Variants in DNASE1 observed in about 807,000 individuals in gnomAD.
DNASE1 encodes deoxyribonuclease 1.
DNASE1 carries 40 observed loss-of-function variants against 33.9 expected under a neutral mutation model. That is an observed-to-expected ratio of 1.18 (90% confidence interval 0.92 to 1.54). The LOEUF is 1.54. DNASE1 is among the 40% of genes most tolerant of loss of function. DNASE1 has a pLI of 0.00. For synonymous variants in DNASE1, 216 were observed against 160.0 expected (o/e 1.35, Z -2.64); for missense variants, 518 against 372.6 (o/e 1.39, Z -3.21).
chr16:3,642,098 G>A (rs147972142), upstream of DNASE1, among the ~76,000 whole-genome samples: 298 of 152,314 alleles, frequency 2.0e-3, 4 homozygotes, highest in African/African-American at 7.0e-3. Context: ...TTCCTGCTGG[G>A]CTCGGGGTGG....
At chr16:3,631,188 A>G (rs930074186) in intron 1 of DNASE1, among the ~76,000 whole-genome samples, 10 of 151,598 alleles carry the variant, frequency 6.6e-5, no homozygotes, top group Non-Finnish European at 1.3e-4. Flanking sequence ...ACACCCAGCT[A>G]ATTTTTTGGG....
Position 3,658,044 on chromosome 16 carries a change from A to G in DNASE1, c.*91A>G. 1 of 1,608,098 alleles carries G rather than the reference A, an allele frequency of 6.2e-7. No individual in the cohort carries two copies. Among genetic ancestry groups the G allele is most frequent in the Non-Finnish European group, 8.5e-7 (1 of 1,176,420 alleles). ...AAAAAGCCCAACACACACTCGGGTT[A>G]AGAAATACCTTTAAATTTAGGTAAA... On this transcript the variant is annotated 3_prime_UTR_variant, in exon 9 of 9. Coordinates refer to ENST00000246949, the MANE Select transcript of DNASE1 (RefSeq NM_005223.4).
At chr16:3,655,974 C>G (rs1368652722) in intron 3 of DNASE1, 37 bp downstream of exon 3, 1 of 1,613,178 alleles carries the variant, frequency 6.2e-7, no homozygotes, top group Admixed American at 1.7e-5. Context: ...AAGGTGACAT[C>G]TCGTCCACGG....
At chr16:3,649,966 C>A (rs1190399286), upstream of DNASE1, among the ~76,000 whole-genome samples, 4 of 151,906 alleles carry the variant, frequency 2.6e-5, no homozygotes, top group Non-Finnish European at 4.4e-5. Context: ...TATGTGGGAG[C>A]TAAGGTGGTC....
chr16:3,655,246 C>A, intron 1 of DNASE1, 127 bp from the exon 2 acceptor site: 1 of 1,323,512 alleles, frequency 7.6e-7, no homozygotes, highest in Non-Finnish European at 1.0e-6. Context: ...GAAAGGGTTT[C>A]CCCCGCCTGC....
chr16:3,633,268 T>A (rs1237149841), intron 1 of DNASE1, among the ~76,000 whole-genome samples: 1 of 152,204 alleles, frequency 6.6e-6, no homozygotes, highest in African/African-American at 2.4e-5. Context: ...ATGATTACAT[T>A]TTTTCCTCTC....
At chr16:3,633,152 C>G (rs376011770) in intron 1 of DNASE1, among the ~76,000 whole-genome samples, 2 of 152,164 alleles carry the variant, frequency 1.3e-5, no homozygotes, top group South Asian at 4.1e-4. Context: ...AGATTAATAT[C>G]TGCCATATTT....
At chr16:3,662,870 G>C (rs776827486), downstream of DNASE1, 4 of 1,613,330 alleles carry the variant, frequency 2.5e-6, no homozygotes, top group East Asian at 8.9e-5. Flanking sequence ...TCCATCCCCG[G>C]GAAAGCCTCA....
chr16:3,658,860 G>A (rs147353660), downstream of DNASE1: 1,653 of 1,614,008 alleles, frequency 1.0e-3, 6 homozygotes, highest in Middle Eastern at 1.8e-3. Context: ...CTTGATGAGC[G>A]CGTGCCTGCA....
chr16:3,646,049 A>T (rs1399890453), intron 1 of DNASE1, among the ~76,000 whole-genome samples: 1 of 151,960 alleles, frequency 6.6e-6, no homozygotes, highest in Non-Finnish European at 1.5e-5. Context: ...CCCCGAGTAG[A>T]GCCAGCCGAG....
At chr16:3,624,332 A>C (rs545418640) in intron 1 of DNASE1, among the ~76,000 whole-genome samples, 35 of 150,894 alleles carry the variant, frequency 2.3e-4, no homozygotes, top group African/African-American at 8.3e-4. Flanking sequence ...CTCTACTTTG[A>C]GATTATAAAG....
At chr16:3,649,786 G>C (rs1365939567), upstream of DNASE1, among the ~76,000 whole-genome samples, 1 of 152,148 alleles carries the variant, frequency 6.6e-6, no homozygotes. Context: ...TCTGAGTCAA[G>C]TGTTGTGGGA....
chr16:3,657,784 T>G lies in DNASE1; in HGVS notation c.769T>G (p.Phe257Val). 6.2e-7 allele frequency: 1 copy of G among 1,614,070 alleles called. No individual in the cohort carries two copies. Among genetic ancestry groups the G allele is most frequent in the South Asian group, 1.1e-5 (1 of 91,080 alleles). The change falls in exon 8 of 9, where the codon TTC becomes GTC. Residue 257 changes from phenylalanine to valine, a missense_variant. Transcript: ENST00000246949. ...TCCCGACTCGGCTCTTCCCTTTAAC[T>G]TCCAGGCTGCCTATGGCCTGAGTGA... The part of the protein sequence containing the change: ...VVPDSALPFN[F>V]QAAYGLSDQL...
downstream of DNASE1, chr16:3,658,862 G>A (rs137975630): frequency 1.2e-4 from 195 of 1,614,024 alleles, no homozygotes; most frequent in African/African-American, 1.9e-3. Context: ...TGATGAGCGC[G>A]TGCCTGCAAC....
At chr16:3,646,773 A>G (rs2042183363) in intron 1 of DNASE1, among the ~76,000 whole-genome samples, 1 of 152,066 alleles carries the variant, frequency 6.6e-6, no homozygotes. Context: ...AGCCAAAGGG[A>G]GAGGCAGTGA....
At chr16:3,634,100 G>C (rs562446429) in intron 1 of DNASE1, among the ~76,000 whole-genome samples, 1 of 151,744 alleles carries the variant, frequency 6.6e-6, no homozygotes, top group Non-Finnish European at 1.5e-5. Context: ...GTGAACCACC[G>C]CACCTGGCCA....
downstream of DNASE1, chr16:3,662,925 G>T: frequency 1.2e-6 from 2 of 1,613,036 alleles, no homozygotes; most frequent in Non-Finnish European, 1.7e-6. Context: ...TCTCATCCAG[G>T]CCATGAGCTC....
At chr16:3,615,508 C>T (rs1250616177) in intron 1 of DNASE1, among the ~76,000 whole-genome samples, 1 of 152,126 alleles carries the variant, frequency 6.6e-6, no homozygotes, top group Non-Finnish European at 1.5e-5. Flanking sequence ...TCAGTAGGAA[C>T]AGTATTGTGT....
intron 1 of DNASE1, among the ~76,000 whole-genome samples, chr16:3,613,426 A>C (rs1367855437): frequency 2.0e-5 from 3 of 152,192 alleles, no homozygotes; most frequent in Non-Finnish European, 4.4e-5. Flanking sequence ...TGCTGCTATG[A>C]ACATTCGTGT....
Sources: gnomAD v4.1 joint callset for allele counts (sites outside exome capture counted in the v4.1 genomes callset) on GRCh38, gnomAD v4.1.1 for gene constraint, MANE v1.5 for transcripts, NCBI Gene and HGNC (gene_info 2026-07-23, HGNC 2026-07-21) for gene names.